The following MAPRE2 variants were observed in gnomAD, a reference collection of about 807,000 sequenced individuals.
MAPRE2 encodes the protein microtubule associated protein RP/EB family member 2.
In MAPRE2, 13 loss-of-function variants were observed where a neutral mutation model predicts 43.2. The ratio of observed to expected loss-of-function variants is 0.30; its 90% CI spans 0.20 to 0.48. The LOEUF is 0.48. MAPRE2 is among the 20% of genes least tolerant of loss of function. The pLI is 0.99. For missense variants in MAPRE2, 161 were observed against 400.2 expected, an observed-to-expected ratio of 0.40 and a Z score of 5.10; for synonymous variants, 135 against 148.8, an observed-to-expected ratio of 0.91 and a Z score of 0.68.
At chr18:34,992,364 G>A (rs1473994919) in intron 1 of MAPRE2, among the ~76,000 whole-genome samples, 1 of 152,180 alleles carries the variant, frequency 6.6e-6, no homozygotes, top group African/African-American at 2.4e-5. Flanking sequence ...TGCAAGTTGA[G>A]CACATCATTC....
At chr18:35,089,256 T>G (rs1027016939) in intron 2 of MAPRE2, among the ~76,000 whole-genome samples, 1 of 152,182 alleles carries the variant, frequency 6.6e-6, no homozygotes, top group African/African-American at 2.4e-5. Context: ...ATGCAGTGGT[T>G]TTTGGTTATA....
intron 2 of MAPRE2, among the ~76,000 whole-genome samples, chr18:35,032,574 C>A (rs920799): frequency 0.46 from 69,601 of 151,964 alleles, 16,027 homozygotes; most frequent in African/African-American, 0.51. Context: ...CTAAGAGAAA[C>A]ATGATTGTGC....
intron 1 of MAPRE2, among the ~76,000 whole-genome samples, chr18:35,057,507 C>CGTGTGTGTGTGT (rs58171272): frequency 0.04 from 6,046 of 149,476 alleles, 185 homozygotes; most frequent in Admixed American, 0.077. Flanking sequence ...GGAGTGTGTG[C>CGTGTGTGTGTGT]GTGTGTGTGT....
At chr18:35,109,953 C>G (rs955288041) in intron 4 of MAPRE2, among the ~76,000 whole-genome samples, 11 of 152,030 alleles carry the variant, frequency 7.2e-5, no homozygotes, top group African/African-American at 2.7e-4. Flanking sequence ...TTTTAGAATT[C>G]TATTTTAATT....
intron 4 of MAPRE2, among the ~76,000 whole-genome samples, chr18:35,124,643 G>T (rs532323739): frequency 6.6e-6 from 1 of 152,304 alleles, no homozygotes; most frequent in Admixed American, 6.5e-5. Flanking sequence ...AAGGGGTGTT[G>T]ATCATAGGTA....
At chr18:35,046,752 G>T (rs553196740) in intron 1 of MAPRE2, among the ~76,000 whole-genome samples, 2 of 152,314 alleles carry the variant, frequency 1.3e-5, no homozygotes, top group African/African-American at 2.4e-5. Flanking sequence ...GCCCTCTAAT[G>T]TGCAGAGATC....
intron 3 of MAPRE2, among the ~76,000 whole-genome samples, chr18:35,100,640 G>GT: frequency 6.6e-6 from 1 of 152,210 alleles, no homozygotes; most frequent in Non-Finnish European, 1.5e-5. Flanking sequence ...GCCATAAAAA[G>GT]TATCTATTTT....
rs572839061 is a variant in MAPRE2 at position 35,024,326 on chromosome 18, A to G, written c.-8+18773A>G. 3.9e-5 allele frequency among the ~76,000 whole-genome samples: 6 copies of G among 152,270 alleles called. No homozygotes were observed. In the East Asian group the frequency reaches 9.7e-4, roughly 25 times the overall value. On this transcript the variant is annotated intron_variant, in intron 2 of 7. Transcript: ENST00000413393. ...CTAGGAGGAATAGAGATTTTCTCCA[A>G]CCCCTCTGTAAATGATGAACTCTGT...
At chr18:35,011,115 G>C (rs1209026875) in intron 2 of MAPRE2, among the ~76,000 whole-genome samples, 2 of 152,074 alleles carry the variant, frequency 1.3e-5, no homozygotes, top group Non-Finnish European at 2.9e-5. Flanking sequence ...CCCACTGCAG[G>C]GAATGTTAAT....
intron 5 of MAPRE2, among the ~76,000 whole-genome samples, chr18:35,127,969 C>G (rs549893911): frequency 6.6e-6 from 1 of 152,362 alleles, no homozygotes; most frequent in South Asian, 2.1e-4. Context: ...CCTGGCTACC[C>G]TGCCGCTATG....
chr18:34,977,919 G>A (rs2097014111), intron 1 of MAPRE2, among the ~76,000 whole-genome samples: 1 of 152,158 alleles, frequency 6.6e-6, no homozygotes, highest in Non-Finnish European at 1.5e-5. Flanking sequence ...TGGGGCGCTC[G>A]ATAAAGCTGA....
At chr18:35,096,606 G>A (rs1251305805) in intron 2 of MAPRE2, among the ~76,000 whole-genome samples, 2 of 151,922 alleles carry the variant, frequency 1.3e-5, no homozygotes, top group Non-Finnish European at 2.9e-5. Context: ...AACTTCTATA[G>A]CTTTCAGTAT....
intron 6 of MAPRE2, among the ~76,000 whole-genome samples, chr18:35,140,068 G>C (rs1283956339): frequency 6.6e-6 from 1 of 152,224 alleles, no homozygotes; most frequent in Non-Finnish European, 1.5e-5. Context: ...TGACGACTGT[G>C]CTTTCTAGAA....
chr18:35,137,462 C>G (rs893550508), intron 6 of MAPRE2, among the ~76,000 whole-genome samples: 1 of 152,208 alleles, frequency 6.6e-6, no homozygotes, highest in Non-Finnish European at 1.5e-5. Context: ...AACTTTAGCT[C>G]CATTAGCCCA....
chr18:35,140,580 G>A lies in MAPRE2; in HGVS notation c.*211G>A, dbSNP rs1218714009. 12 of 551,526 alleles carry A rather than the reference G, an allele frequency of 2.2e-5. No individual in the cohort carries two copies. In the East Asian group the frequency reaches 3.1e-4, roughly 14 times the overall value. 34.2% of individuals were successfully genotyped at this position (551,526 alleles called of 1,614,324 possible). ...GACGGCCCTCTGGCCACCTACCCGA[G>A]AGATCGTAGGGTCACATACATCCAA... On this transcript the variant is annotated 3_prime_UTR_variant, in exon 7 of 7. Transcript: ENST00000300249.
At chr18:35,122,248 T>G (rs951710838) in intron 4 of MAPRE2, among the ~76,000 whole-genome samples, 6 of 152,222 alleles carry the variant, frequency 3.9e-5, no homozygotes, top group Non-Finnish European at 5.9e-5. Context: ...AAATTGCAGC[T>G]TGGGATGATT....
intron 1 of MAPRE2, among the ~76,000 whole-genome samples, chr18:35,001,538 G>A (rs2150578936): frequency 6.6e-6 from 1 of 151,022 alleles, no homozygotes; most frequent in East Asian, 1.9e-4. Flanking sequence ...AAAGATACGT[G>A]ATGTATCAAG....
chr18:35,141,201 G>A lies in MAPRE2; in HGVS notation c.*832G>A, dbSNP rs1440724189. On this transcript the variant is annotated 3_prime_UTR_variant, in exon 7 of 7. Coordinates refer to ENST00000300249, the MANE Select transcript of MAPRE2 (RefSeq NM_014268.4). ...GAGATGTTGCCATCAGTTTTCTGCA[G>A]TCCAAAGAGGGTATGGTTAGGTACG... The A allele has an allele frequency of 6.6e-6, 1 of 152,166 alleles. No individual in the cohort carries two copies. The highest frequency in any genetic ancestry group is 1.9e-4 in the East Asian group (1 of 5,196). The allele number at this position is 152,166 out of a possible 1,614,324, so 9.4% of individuals were successfully genotyped here. A position where few individuals can be genotyped will look rare whatever the true frequency, so the allele number is the denominator to read the frequency against.
At chr18:35,097,279 C>T (rs1908472566) in intron 2 of MAPRE2, among the ~76,000 whole-genome samples, 167 bp from the exon 3 acceptor site, 1 of 152,144 alleles carries the variant, frequency 6.6e-6, no homozygotes, top group African/African-American at 2.4e-5. Flanking sequence ...TTCCCTCTAG[C>T]TCCCAGATCC....
Sources: gnomAD v4.1 joint callset for allele counts (sites outside exome capture counted in the v4.1 genomes callset) on GRCh38, gnomAD v4.1.1 for gene constraint, MANE v1.5 for transcripts, NCBI Gene and HGNC (gene_info 2026-07-23, HGNC 2026-07-21) for gene names.